CYYR1: variants seen among roughly 807,000 people sequenced by gnomAD.
The protein encoded by CYYR1 is cysteine and tyrosine rich 1.
CYYR1 carries 14 observed loss-of-function variants against 15.2 expected under a neutral mutation model. The observed-to-expected ratio is 0.92, with a 90% CI of 0.61 to 1.44. The LOEUF is 1.44. CYYR1 is among the 40% of genes most tolerant of loss of function. The pLI is 0.00. For synonymous variants in CYYR1, 80 were observed against 77.4 expected, an observed-to-expected ratio of 1.03 and a Z score of -0.18; for missense variants, 228 against 209.5, an observed-to-expected ratio of 1.09 and a Z score of -0.54.
At chr21:26,568,867 A>G (rs542513476) in intron 1 of CYYR1, 1 of 152,322 alleles carries the variant, frequency 6.6e-6, no homozygotes, top group South Asian at 2.1e-4. Flanking sequence ...ATGTTCAACA[A>G]GTCACCAATC....
intron 2 of CYYR1, among the ~76,000 whole-genome samples, chr21:26,487,455 C>T (rs1315771626): frequency 6.6e-6 from 1 of 152,070 alleles, no homozygotes; most frequent in Admixed American, 6.6e-5. Flanking sequence ...GAGAATAAAT[C>T]TTGGCAAAAT....
rs1367173405 is a variant in CYYR1, at chr21:26,470,015, C to A, written c.335-1381G>T. 2.6e-5 allele frequency among the ~76,000 whole-genome samples: 4 copies of A among 152,228 alleles called. No homozygotes were observed. The East Asian group carries it at 7.7e-4, about 29-fold the overall frequency. ...CCAGTAGCTGAATCATCATCAGGATCCTGATGCTGCTTGGAAACTGACATG... is the reference window on the plus strand; with the variant it reads ...CCAGTAGCTGAATCATCATCAGGATACTGATGCTGCTTGGAAACTGACATG... On this transcript the variant is annotated intron_variant, in intron 3 of 3. Coordinates refer to ENST00000652641, the MANE Select transcript of CYYR1 (RefSeq NM_001320768.2).
chr21:26,547,779 C>CTTT (rs11298777), intron 2 of CYYR1, among the ~76,000 whole-genome samples: 12 of 143,410 alleles, frequency 8.4e-5, no homozygotes, highest in Non-Finnish European at 4.6e-5. Flanking sequence ...TCTATTTCTA[C>CTTT]TTTTTTTTTT....
At chr21:26,542,866 C>G (rs1272445661) in intron 2 of CYYR1, among the ~76,000 whole-genome samples, 1 of 152,058 alleles carries the variant, frequency 6.6e-6, no homozygotes, top group African/African-American at 2.4e-5. Flanking sequence ...AATAACAATT[C>G]CATGTATTAG....
chr21:26,553,006 G>T (rs1049051632), intron 2 of CYYR1, among the ~76,000 whole-genome samples: 5 of 152,012 alleles, frequency 3.3e-5, no homozygotes, highest in Non-Finnish European at 5.9e-5. Context: ...GGTATCATTT[G>T]CTTTCTTCCT....
intron 2 of CYYR1, among the ~76,000 whole-genome samples, chr21:26,530,777 G>T (rs977353591): frequency 1.3e-5 from 2 of 152,220 alleles, no homozygotes; most frequent in Non-Finnish European, 2.9e-5. Flanking sequence ...CCATGTGCCT[G>T]CAAAGGACAT....
chr21:26,483,429 G>T (rs1055252162), intron 2 of CYYR1: 1 of 952,254 alleles, frequency 1.1e-6, no homozygotes, highest in Non-Finnish European at 1.2e-6. Context: ...AAAAAAAAAA[G>T]CTTGAAGTAG....
chr21:26,550,696 G>C (rs1246495832), intron 2 of CYYR1: 1 of 152,208 alleles, frequency 6.6e-6, no homozygotes, highest in Non-Finnish European at 1.5e-5. Context: ...TGAAGACTGA[G>C]AGAGGTAAGG....
intron 2 of CYYR1, among the ~76,000 whole-genome samples, chr21:26,500,291 T>C (rs1268861109): frequency 6.6e-6 from 1 of 152,160 alleles, no homozygotes; most frequent in Non-Finnish European, 1.5e-5. Flanking sequence ...GGCACAAACA[T>C]TCAGTCCATA....
chr21:26,545,136 CTTT>C (rs890610352), intron 2 of CYYR1, among the ~76,000 whole-genome samples: 1 of 151,680 alleles, frequency 6.6e-6, no homozygotes, highest in African/African-American at 2.4e-5. Context: ...AAACATATTA[CTTT>C]TTTATTGAAA....
chr21:26,468,988 A>T (rs567923123), intron 3 of CYYR1, among the ~76,000 whole-genome samples: 31 of 152,262 alleles, frequency 2.0e-4, no homozygotes, highest in African/African-American at 6.7e-4. Context: ...GACAATGAGG[A>T]GTGCGGTTAT....
At chr21:26,518,638 A>G (rs1330402595) in intron 2 of CYYR1, 5 of 152,254 alleles carry the variant, frequency 3.3e-5, no homozygotes, top group African/African-American at 1.2e-4. Context: ...CAGACAGACT[A>G]AGACACTGCT....
rs1752037801 is a variant in CYYR1 at position 26,466,402 on chromosome 21, AT to A, written c.*2098del. The A allele has an allele frequency of 2.0e-5, 3 of 152,198 alleles. No individual in the cohort carries two copies. The highest frequency in any genetic ancestry group is 7.2e-5 in the African/African-American group (3 of 41,454). The allele number at this position is 152,198 out of a possible 1,614,324, so 9.4% of individuals were successfully genotyped here. A position where few individuals can be genotyped will look rare whatever the true frequency, so the allele number is the denominator to read the frequency against. On this transcript the variant is annotated 3_prime_UTR_variant, in exon 4 of 4. Transcript: ENST00000652641. ...TACTGGTAATGTGCACATTGATGCT[AT>A]TATGACACTTAATACAAATAGTAAA...
Position 26,503,864 on chromosome 21 carries a change from G to A in CYYR1, c.177-23435C>T, listed in dbSNP as rs191789884. ...AGAGATGGGACAAAAAATAAAATCT[G>A]CATTTTCTTCATGGAAGACGCTGTC... On this transcript the variant is annotated intron_variant, in intron 2 of 3. Transcript: ENST00000652641. Among the ~76,000 whole-genome samples, 261 of 152,246 alleles carry A rather than the reference G, an allele frequency of 1.7e-3. 1 individual carries two copies. The highest frequency in any genetic ancestry group is 6.4e-3 in the South Asian group (31 of 4,814).
chr21:26,488,240 A>ACTTACTTC (rs1555904365), intron 2 of CYYR1, among the ~76,000 whole-genome samples: 15,306 of 139,240 alleles, frequency 0.11, 992 homozygotes, highest in Non-Finnish European at 0.15. Flanking sequence ...ATCTTCCCCT[A>ACTTACTTC]CTTCCTTCCT....
chr21:26,521,899 G>A (rs2065807833), intron 2 of CYYR1, among the ~76,000 whole-genome samples: 2 of 152,180 alleles, frequency 1.3e-5, no homozygotes, highest in Non-Finnish European at 2.9e-5. Context: ...TTGTTTTGGA[G>A]CCGTACTGTC....
At chr21:26,485,289 T>C (rs2065235485) in intron 2 of CYYR1, among the ~76,000 whole-genome samples, 1 of 152,186 alleles carries the variant, frequency 6.6e-6, no homozygotes, top group South Asian at 2.1e-4. Flanking sequence ...GATGGTTACA[T>C]CTTAAGTAAC....
intron 2 of CYYR1, among the ~76,000 whole-genome samples, chr21:26,491,010 A>C (rs1475808359): frequency 6.6e-6 from 1 of 152,208 alleles, no homozygotes; most frequent in Non-Finnish European, 1.5e-5. Flanking sequence ...GAAAGGCAAG[A>C]GTGTAGAATG....
intron 2 of CYYR1, among the ~76,000 whole-genome samples, chr21:26,511,048 T>C (rs2065640642): frequency 6.6e-6 from 1 of 152,234 alleles, no homozygotes; most frequent in Non-Finnish European, 1.5e-5. Flanking sequence ...ACATTATCCC[T>C]ATGGGGAACT....
Sources: gnomAD v4.1 joint callset for allele counts (sites outside exome capture counted in the v4.1 genomes callset) on GRCh38, gnomAD v4.1.1 for gene constraint, MANE v1.5 for transcripts, NCBI Gene and HGNC (gene_info 2026-07-23, HGNC 2026-07-21) for gene names.